Variants in NELFB observed in about 807,000 individuals in gnomAD.
NELFB encodes negative elongation factor complex member B.
In NELFB, 34 loss-of-function variants were observed where a neutral mutation model predicts 60.2. The observed-to-expected ratio is 0.56, with a 90% CI of 0.43 to 0.75. NELFB has a LOEUF of 0.75. Ranked by LOEUF, NELFB falls within the 30% of genes least tolerant of loss-of-function variation. NELFB has a pLI of 0.00. For synonymous variants in NELFB, 459 were observed against 382.1 expected, an observed-to-expected ratio of 1.20 and a Z score of -2.35; for missense variants, 770 against 831.6, an observed-to-expected ratio of 0.93 and a Z score of 0.91.
At position 137,255,894 on chromosome 9, in the gene NELFB, T is replaced by G; in HGVS notation, c.247-13T>G. 6.2e-7 allele frequency: 1 copy of G among 1,612,710 alleles called. No individual in the cohort carries two copies. The highest frequency in any genetic ancestry group is 8.5e-7 in the Non-Finnish European group (1 of 1,179,096). ...CACTGGGCTGCGTTTGAGGTTTCTC[T>G]TGGCTTCCTCAGACAGAGAATGGTG... On this transcript the variant is annotated splice_polypyrimidine_tract_variant and intron_variant, in intron 1 of 12. Transcript: ENST00000343053.
intron 4 of NELFB, among the ~76,000 whole-genome samples, chr9:137,261,547 ACTT>A (rs1390662811): frequency 6.7e-6 from 1 of 150,012 alleles, no homozygotes; most frequent in Non-Finnish European, 1.5e-5. Flanking sequence ...AATCCCAACT[ACTT>A]GGGAAGCTGA....
intron 4 of NELFB, among the ~76,000 whole-genome samples, chr9:137,259,810 C>T (rs1039915158): frequency 4.1e-4 from 62 of 151,002 alleles, no homozygotes; most frequent in African/African-American, 1.3e-3. Context: ...CTGCAAGCTC[C>T]GCCTCCCGGG....
chr9:137,260,610 G>A (rs1160957257), intron 4 of NELFB, among the ~76,000 whole-genome samples: 6 of 150,614 alleles, frequency 4.0e-5, no homozygotes, highest in South Asian at 2.1e-4. Flanking sequence ...CCACCACCAC[G>A]CCCGACTAAT....
Position 137,265,949 on chromosome 9 carries a change from G to T in NELFB, c.1113G>T (p.Gln371His). 1 of 1,613,026 alleles carries T rather than the reference G, an allele frequency of 6.2e-7. No homozygotes were observed. Among genetic ancestry groups the T allele is most frequent in the African/African-American group, 1.3e-5 (1 of 75,064 alleles). ...CACTGAGCACAGTCAGGCACCTGCA[G>T]GAGCTGGTCGGCCAGGAGACACTGC... Residue 371 changes from glutamine to histidine, a missense_variant, in exon 7 of 13, where the codon CAG (glutamine) becomes CAT (histidine). Transcript: ENST00000343053.
At chr9:137,265,596 G>A (rs1830508253) in intron 6 of NELFB, among the ~76,000 whole-genome samples, 1 of 151,680 alleles carries the variant, frequency 6.6e-6, no homozygotes, top group African/African-American at 2.4e-5. Flanking sequence ...CACTTTGTTA[G>A]CCAGGCTGGT....
rs528370869 is a variant in NELFB at position 137,271,291 on chromosome 9, A to G, written c.1490-790A>G. 3.9e-5 allele frequency among the ~76,000 whole-genome samples: 6 copies of G among 152,186 alleles called. No homozygotes were observed. The East Asian group carries it at 5.8e-4, about 15-fold the overall frequency. ...TGGGTCTCCTGGAAATGTTTCTGTC[A>G]CTCTGGGCGCAGGTGGCGCCAGCTG... On this transcript the variant is annotated intron_variant, in intron 10 of 12. Coordinates refer to ENST00000343053, the MANE Select transcript of NELFB (RefSeq NM_015456.5).
chr9:137,264,608 G>C (rs1435661289), intron 6 of NELFB, among the ~76,000 whole-genome samples: 1 of 152,260 alleles, frequency 6.6e-6, no homozygotes, highest in Non-Finnish European at 1.5e-5. Flanking sequence ...TGGGATTACA[G>C]GCACGCGCCA....
intron 10 of NELFB, among the ~76,000 whole-genome samples, chr9:137,270,069 C>T (rs1217795267): frequency 6.6e-6 from 1 of 152,102 alleles, no homozygotes; most frequent in African/African-American, 2.4e-5. Context: ...CCCCGGGGTC[C>T]ACGTGGGGTC....
At position 137,255,405 on chromosome 9, in the gene NELFB, G is replaced by T. The variant is rs1184700005; in HGVS notation, c.40G>T (p.Gly14Cys). 2 of 925,722 alleles carry T rather than the reference G, an allele frequency of 2.2e-6. No homozygotes were observed. The highest frequency in any genetic ancestry group is 2.9e-6 in the Non-Finnish European group (2 of 685,608). 57.3% of individuals were successfully genotyped at this position (925,722 alleles called of 1,614,324 possible). A position where few individuals can be genotyped will look rare whatever the true frequency, so the allele number is the denominator to read the frequency against. The change falls in exon 1 of 13, where the codon GGT becomes TGT. Residue 14 changes from glycine (G) to cysteine (C), a missense_variant. Physicochemically the swap from Gly to Cys is radical, Grantham distance 159. Coordinates refer to ENST00000343053, the MANE Select transcript of NELFB (RefSeq NM_015456.5). ...GGGCGCCGGGGAGCGGGGCTCGGGC[G>T]GTCCCCGAGGCCCGGCGGAGCGGGC...
chr9:137,263,272 C>T, intron 5 of NELFB, 50 bp downstream of exon 5: 1 of 1,465,420 alleles, frequency 6.8e-7, no homozygotes. Context: ...GGTAGTGCTG[C>T]CCTCCCTCCC....
chr9:137,270,260 G>C (rs371316718), intron 10 of NELFB, among the ~76,000 whole-genome samples: 1 of 141,002 alleles, frequency 7.1e-6, no homozygotes, highest in Non-Finnish European at 1.5e-5. Flanking sequence ...CAGCCTGGGC[G>C]ACAAAGCCAG....
intron 10 of NELFB, among the ~76,000 whole-genome samples, chr9:137,271,591 T>G (rs1302252454): frequency 6.6e-6 from 1 of 152,254 alleles, no homozygotes; most frequent in Non-Finnish European, 1.5e-5. Flanking sequence ...CAGAAAAGAA[T>G]GTGGAAGAGT....
chr9:137,255,371 C>T lies in NELFB; in HGVS notation c.6C>T (p.Ala2=), dbSNP rs1254580184. The change falls in exon 1 of 13, where the codon GCC becomes GCT. Residue 2 remains alanine (A), a synonymous_variant. Coordinates refer to ENST00000343053, the MANE Select transcript of NELFB (RefSeq NM_015456.5). The stretch of plus-strand genomic sequence containing the variant: ...AGTCGCGCGGCGGGCGGGACCTGGC[C>T]GAGCTGGAGGGCGCCGGGGAGCGGG... 3 of 554,578 alleles carry T rather than the reference C, an allele frequency of 5.4e-6. No individual in the cohort carries two copies. Among genetic ancestry groups the T allele is most frequent in the Non-Finnish European group, 8.0e-6 (3 of 374,504 alleles). 34.4% of individuals were successfully genotyped at this position (554,578 alleles called of 1,614,324 possible).
Position 137,272,954 on chromosome 9 carries a change from TG to T in NELFB, c.*30del. 1 of 1,486,136 alleles carries T rather than the reference TG, an allele frequency of 6.7e-7. No homozygotes were observed. The highest frequency in any genetic ancestry group is 9.0e-7 in the Non-Finnish European group (1 of 1,113,836). 92.1% of individuals were successfully genotyped at this position (1,486,136 alleles called of 1,614,324 possible). A position where few individuals can be genotyped will look rare whatever the true frequency, so the allele number is the denominator to read the frequency against. ...GGGCCCTCCAGACCTGCTCGGGTGC[TG>T]GGGCCATGCCGAGTCGCGGCCCTGC... is the stretch of plus-strand genomic sequence containing the variant. On this transcript the variant is annotated 3_prime_UTR_variant, in exon 13 of 13. Transcript: ENST00000343053.
Position 137,263,127 on chromosome 9 carries a change from C to T in NELFB, c.832C>T (p.Arg278Trp), listed in dbSNP as rs539723050. 41 of 1,613,952 alleles carry T rather than the reference C, an allele frequency of 2.5e-5. No individual in the cohort carries two copies. The highest frequency in any genetic ancestry group is 6.7e-5 in the Admixed American group (4 of 60,004). ...TCTGCGCACGCTCTTCCTGCGCACG[C>T]GGAATGTGCACTACTGCACGCTGCG... Residue 278 changes from arginine (R) to tryptophan (W), a missense_variant, in exon 5 of 13, where the codon CGG becomes TGG. Physicochemically the swap from Arg to Trp is moderately radical, Grantham distance 101. Coordinates refer to ENST00000343053, the MANE Select transcript of NELFB (RefSeq NM_015456.5).
chr9:137,255,699 T>C (rs941466961), intron 1 of NELFB, 88 bp downstream of exon 1: 6 of 1,454,158 alleles, frequency 4.1e-6, no homozygotes, highest in Non-Finnish European at 5.6e-6. Context: ...GCCGGAAGTT[T>C]TCCGGCTTTC....
Position 137,269,042 on chromosome 9 carries a change from C to T in NELFB, c.1489+1696C>T, listed in dbSNP as rs1000577371. ...AGCCCTCACGACCTCAGCAGTGTTG[C>T]GTTGGGGATCAGGTTTCCGATGGTG... On this transcript the variant is annotated intron_variant, in intron 10 of 12. Transcript: ENST00000343053. The surrounding 1 kb of genome is among the most constrained non-coding windows in gnomAD (Gnocchi z 5.3). 6.6e-6 allele frequency among the ~76,000 whole-genome samples: 1 copy of T among 151,796 alleles called. No individual in the cohort carries two copies. The highest frequency in any genetic ancestry group is 1.9e-4 in the East Asian group (1 of 5,174).
chr9:137,272,321 C>G (rs752587164), intron 11 of NELFB, 99 bp downstream of exon 11: 91 of 1,555,362 alleles, frequency 5.9e-5, no homozygotes, highest in Non-Finnish European at 4.6e-5. Flanking sequence ...GGCGGAGGGT[C>G]CGCAGGTGGG....
intron 4 of NELFB, 131 bp from the exon 5 acceptor site, chr9:137,262,906 G>A: frequency 1.2e-6 from 1 of 854,646 alleles, no homozygotes; most frequent in Non-Finnish European, 1.8e-6. Context: ...ATGAGAGGAG[G>A]GAATGTTTTC....
Sources: gnomAD v4.1 joint callset for allele counts (sites outside exome capture counted in the v4.1 genomes callset) on GRCh38, gnomAD v4.1.1 for gene constraint, Gnocchi (gnomAD v3.1) non-coding constraint, MANE v1.5 for transcripts, NCBI Gene and HGNC (gene_info 2026-07-23, HGNC 2026-07-21) for gene names.